The following CADM1 variants were observed in gnomAD, a reference collection of about 807,000 sequenced individuals.
The protein encoded by CADM1 is cell adhesion molecule 1, also known as TSLC-1.
In CADM1, 15 loss-of-function variants were observed where a neutral mutation model predicts 53.1. The observed-to-expected ratio is 0.28, with a 90% confidence interval of 0.19 to 0.44. The LOEUF is 0.44. CADM1 is among the 20% of genes least tolerant of loss of function. The pLI is 1.00. For synonymous variants in CADM1, 281 were observed against 243.0 expected (o/e 1.16, Z -1.45); for missense variants, 434 against 611.3 (o/e 0.71, Z 3.06).
intron 1 of CADM1, among the ~76,000 whole-genome samples, chr11:115,503,156 C>T (rs1435804413): frequency 6.6e-6 from 1 of 152,146 alleles, no homozygotes; most frequent in Admixed American, 6.5e-5. Context: ...GGAAGGGAGG[C>T]TGGGTGCAGC....
At position 115,173,995 on chromosome 11, in the gene CADM1, T is replaced by C; in HGVS notation, c.*2479A>G. 1.0e-6 allele frequency: 1 copy of C among 959,530 alleles called. No homozygotes were observed. Among genetic ancestry groups the C allele is most frequent in the Non-Finnish European group, 1.2e-6 (1 of 806,298 alleles). The allele number at this position is 959,530 out of a possible 1,614,324, so 59.4% of individuals were successfully genotyped here. On this transcript the variant is annotated 3_prime_UTR_variant, in exon 12 of 12. Transcript: ENST00000331581. ...AATACATTTCAAACAGTGCACTGTA[T>C]ACTTAAGAAAAAATACATAAACCAA... is the stretch of plus-strand genomic sequence containing the variant.
chr11:115,209,545 C>CA, intron 8 of CADM1, 29 bp downstream of exon 8: 1 of 1,449,166 alleles, frequency 6.9e-7, no homozygotes, highest in Non-Finnish European at 9.3e-7. Context: ...ACATTCAGGA[C>CA]ATTTTCAATG....
intron 5 of CADM1, 86 bp from the exon 6 acceptor site, chr11:115,218,077 T>G (rs1416835552): frequency 2.4e-6 from 2 of 827,284 alleles, no homozygotes. Flanking sequence ...AAAACCACAG[T>G]ACCAGCACTT....
chr11:115,254,593 C>CACACAGAGAG (rs1491508599), intron 1 of CADM1, among the ~76,000 whole-genome samples: 93 of 136,414 alleles, frequency 6.8e-4, no homozygotes, highest in African/African-American at 2.2e-3. Flanking sequence ...CACACACACA[C>CACACAGAGAG]AGAGACAACA....
intron 1 of CADM1, among the ~76,000 whole-genome samples, chr11:115,358,620 T>C (rs527330720): frequency 2.6e-5 from 4 of 152,296 alleles, no homozygotes; most frequent in Admixed American, 2.0e-4. Flanking sequence ...AGCCGAACCA[T>C]ATCAATTATT....
intron 1 of CADM1, among the ~76,000 whole-genome samples, chr11:115,469,072 C>A (rs1948954697): frequency 1.3e-5 from 2 of 152,220 alleles, no homozygotes; most frequent in Non-Finnish European, 2.9e-5. Flanking sequence ...ATGAGAGCTA[C>A]AGTTCAAGAT....
At chr11:115,237,903 G>A (rs1258042116) in intron 3 of CADM1, among the ~76,000 whole-genome samples, 1 of 152,168 alleles carries the variant, frequency 6.6e-6, no homozygotes, top group African/African-American at 2.4e-5. Flanking sequence ...CCCGTCAACA[G>A]TTCTTTGCTT....
At chr11:115,327,995 C>G (rs2135205255) in intron 1 of CADM1, among the ~76,000 whole-genome samples, 1 of 151,974 alleles carries the variant, frequency 6.6e-6, no homozygotes, top group South Asian at 2.1e-4. Flanking sequence ...GCCATCAGCT[C>G]TACCGCTCTA....
Position 115,238,589 on chromosome 11 carries a change from G to C in CADM1, c.335C>G (p.Thr112Arg), listed in dbSNP as rs1271521782. 3 of 1,613,796 alleles carry C rather than the reference G, an allele frequency of 1.9e-6. No individual in the cohort carries two copies. The East Asian group carries it at 6.7e-5, about 36-fold the overall frequency. The change falls in exon 3 of 12, where the codon ACA (threonine) becomes AGA (arginine). Residue 112 changes from threonine (T) to arginine (R), a missense_variant. Physicochemically the swap from Thr to Arg is moderately conservative, Grantham distance 71 (BLOSUM62 -1). Around this residue, in one of 4 missense-constraint regions of CADM1, gnomAD observed 311 missense variants for 435.1 expected, o/e 0.71. Coordinates refer to ENST00000331581, the MANE Select transcript of CADM1 (RefSeq NM_001301043.2). Reference sequence around the variant, plus strand: ...TCCTTCATCAGAAATTGAGACGTTTGTCAATGATACTTTGAGTTCACTGCT... The same window carrying C: ...TCCTTCATCAGAAATTGAGACGTTTCTCAATGATACTTTGAGTTCACTGCT... ...FSSSELKVSLTNVSISDEGRY... is the reference protein window; with the variant it reads ...FSSSELKVSLRNVSISDEGRY...
At chr11:115,476,053 T>G (rs1949123573) in intron 1 of CADM1, among the ~76,000 whole-genome samples, 1 of 152,228 alleles carries the variant, frequency 6.6e-6, no homozygotes, top group African/African-American at 2.4e-5. Context: ...AACTTGCTCA[T>G]AGTAAGCACT....
At chr11:115,233,588 G>T (rs1298408620) in intron 3 of CADM1, among the ~76,000 whole-genome samples, 2 of 152,068 alleles carry the variant, frequency 1.3e-5, no homozygotes, top group Non-Finnish European at 2.9e-5. Context: ...ACATGCTATT[G>T]TTAGATCAAA....
chr11:115,428,499 A>G (rs1418133969), intron 1 of CADM1, among the ~76,000 whole-genome samples: 2 of 152,190 alleles, frequency 1.3e-5, no homozygotes, highest in Admixed American at 1.3e-4. Context: ...TGATGCCTAG[A>G]AGTCATCAGA....
chr11:115,183,286 G>A (rs1460170502), intron 10 of CADM1, among the ~76,000 whole-genome samples: 2 of 152,192 alleles, frequency 1.3e-5, no homozygotes, highest in African/African-American at 2.4e-5. Context: ...CAGCCATGCT[G>A]CCTGTATTAA....
chr11:115,363,759 G>A (rs190904592), intron 1 of CADM1: 1 of 152,240 alleles, frequency 6.6e-6, no homozygotes, highest in Admixed American at 6.5e-5. Context: ...TTGGGATTGT[G>A]TGTTCTTATA....
At chr11:115,196,701 T>C (rs1481841206) in intron 9 of CADM1, among the ~76,000 whole-genome samples, 1 of 151,614 alleles carries the variant, frequency 6.6e-6, no homozygotes, top group Non-Finnish European at 1.5e-5. Flanking sequence ...GGGCCGCAGG[T>C]AGCCCATAGG....
intron 5 of CADM1, among the ~76,000 whole-genome samples, chr11:115,228,009 T>C (rs1941676869): frequency 6.6e-6 from 1 of 152,214 alleles, no homozygotes. Flanking sequence ...ATTATCTGGG[T>C]GAGCCCTACA....
At chr11:115,422,143 C>T (rs1947773015) in intron 1 of CADM1, among the ~76,000 whole-genome samples, 1 of 152,106 alleles carries the variant, frequency 6.6e-6, no homozygotes, top group Non-Finnish European at 1.5e-5. Context: ...CAGGTGTGTC[C>T]AGGCAAGATA....
At chr11:115,370,380 G>A (rs1946278916) in intron 1 of CADM1, among the ~76,000 whole-genome samples, 1 of 152,186 alleles carries the variant, frequency 6.6e-6, no homozygotes, top group South Asian at 2.1e-4. Flanking sequence ...GAAGTCCTAA[G>A]CCCTGACGAG....
Position 115,487,882 on chromosome 11 carries a change from G to C in CADM1, c.124+16389C>G, listed in dbSNP as rs183007901. Among the ~76,000 whole-genome samples, 82 of 152,106 alleles carry C rather than the reference G, an allele frequency of 5.4e-4. 1 individual carries two copies. The highest frequency in any genetic ancestry group is 4.3e-4 in the Non-Finnish European group (29 of 67,970). ...TACATTAAGACACTGACAAAAATTT[G>C]TATTTCAAAGATACAATTTTTCTTG... On this transcript the variant is annotated intron_variant, in intron 1 of 11. Coordinates refer to ENST00000331581, the MANE Select transcript of CADM1 (RefSeq NM_001301043.2).
Sources: gnomAD v4.1 joint callset for allele counts (sites outside exome capture counted in the v4.1 genomes callset) on GRCh38, gnomAD v4.1.1 for gene constraint, gnomAD v4.1.1 regional missense constraint, MANE v1.5 for transcripts, NCBI Gene and HGNC (gene_info 2026-07-23, HGNC 2026-07-21) for gene names.